The following GALNT17 variants were observed in gnomAD, a reference collection of about 807,000 sequenced individuals.
GALNT17 encodes polypeptide N-acetylgalactosaminyltransferase 17, also known as UDP-GalNAc:polypeptide N-acetylgalactosaminyltransferase-like 3.
Under a neutral mutation model 63.7 loss-of-function variants are expected in GALNT17, and 29 were observed. That is an observed-to-expected ratio of 0.46 (90% CI 0.34 to 0.62). The LOEUF (loss-of-function observed/expected upper bound fraction) is 0.62, where lower values mean the gene tolerates loss of function less well. Ranked by LOEUF, GALNT17 falls within the 20% of genes least tolerant of loss-of-function variation. The probability of loss-of-function intolerance (pLI) is 0.01; values close to 1 mark genes in which losing one functional copy is unlikely to be tolerated. For missense variants in GALNT17, 603 were observed against 799.6 expected, an observed-to-expected ratio of 0.75 and a Z score of 2.97; for synonymous variants, 305 against 318.3, an observed-to-expected ratio of 0.96 and a Z score of 0.45.
intron 1 of GALNT17, among the ~76,000 whole-genome samples, chr7:71,260,201 C>T (rs989846052): frequency 6.6e-6 from 1 of 152,078 alleles, no homozygotes; most frequent in Admixed American, 6.6e-5. Flanking sequence ...CCTCCCAGGA[C>T]GAGAGGCAGA....
intron 6 of GALNT17, among the ~76,000 whole-genome samples, chr7:71,625,725 C>T (rs1351710452): frequency 1.3e-5 from 2 of 152,108 alleles, no homozygotes; most frequent in Non-Finnish European, 2.9e-5. Context: ...CAGCAGTCTC[C>T]AAAGCGCTGA....
At chr7:71,710,572 G>C (rs1401883341) in intron 9 of GALNT17, among the ~76,000 whole-genome samples, 189 bp from the exon 10 acceptor site, 1 of 152,230 alleles carries the variant, frequency 6.6e-6, no homozygotes, top group East Asian at 1.9e-4. Flanking sequence ...TCAGAAGCCT[G>C]GGTGGCTTTC....
intron 3 of GALNT17, among the ~76,000 whole-genome samples, chr7:71,411,560 G>A (rs765143106): frequency 1.1e-3 from 168 of 152,118 alleles, no homozygotes; most frequent in Non-Finnish European, 1.5e-3. Context: ...CCTCTTCTTC[G>A]GTTTCTCTCC....
chr7:71,587,851 T>C (rs1274461139), intron 6 of GALNT17, among the ~76,000 whole-genome samples: 1 of 152,212 alleles, frequency 6.6e-6, no homozygotes, highest in Non-Finnish European at 1.5e-5. Context: ...TGAAGGAATC[T>C]TATGCAGATT....
chr7:71,452,060 A>G (rs1787271917), intron 5 of GALNT17, among the ~76,000 whole-genome samples: 3 of 152,108 alleles, frequency 2.0e-5, no homozygotes, highest in Admixed American at 2.0e-4. Flanking sequence ...AAATGAAATG[A>G]TAAATAAGTG....
At chr7:71,576,766 C>A (rs887314712) in intron 6 of GALNT17, among the ~76,000 whole-genome samples, 2 of 152,066 alleles carry the variant, frequency 1.3e-5, no homozygotes, top group Admixed American at 1.3e-4. Flanking sequence ...CAGGGTTTCC[C>A]CATGTTGCCC....
intron 2 of GALNT17, among the ~76,000 whole-genome samples, chr7:71,372,928 A>G (rs1215339703): frequency 6.6e-6 from 1 of 152,166 alleles, no homozygotes; most frequent in Non-Finnish European, 1.5e-5. Context: ...AGCTCTTGTT[A>G]TTTTAAGGAA....
At chr7:71,536,043 T>A (rs993251276) in intron 5 of GALNT17, among the ~76,000 whole-genome samples, 18 of 152,320 alleles carry the variant, frequency 1.2e-4, no homozygotes, top group African/African-American at 3.8e-4. Context: ...GCCTAGCAAC[T>A]CATTTTATGA....
chr7:71,539,380 C>T (rs1788851168), intron 5 of GALNT17, among the ~76,000 whole-genome samples: 1 of 152,046 alleles, frequency 6.6e-6, no homozygotes, highest in Non-Finnish European at 1.5e-5. Flanking sequence ...AATAAAGGAA[C>T]CTATTGAGAA....
intron 6 of GALNT17, among the ~76,000 whole-genome samples, chr7:71,572,202 C>T (rs76448089): frequency 0.073 from 10,944 of 150,222 alleles, 433 homozygotes; most frequent in South Asian, 0.11. Flanking sequence ...AGTAGGAAGA[C>T]GCTGTCTCTA....
chr7:71,559,204 T>C (rs900460962), intron 5 of GALNT17, among the ~76,000 whole-genome samples: 1 of 152,184 alleles, frequency 6.6e-6, no homozygotes, highest in Non-Finnish European at 1.5e-5. Context: ...GCAGAGGCAA[T>C]TGGAACTCTG....
At chr7:71,700,617 A>G (rs1791617607) in intron 9 of GALNT17, among the ~76,000 whole-genome samples, 1 of 152,118 alleles carries the variant, frequency 6.6e-6, no homozygotes. Flanking sequence ...CCAAAACACC[A>G]CATTTCCTCT....
intron 5 of GALNT17, among the ~76,000 whole-genome samples, chr7:71,472,984 A>T (rs60955657): frequency 0.2 from 30,466 of 152,094 alleles, 3,931 homozygotes; most frequent in East Asian, 0.54. Context: ...GCTTTATACA[A>T]TTTATGAGAC....
chr7:71,550,238 G>A (rs1283070663), intron 5 of GALNT17, among the ~76,000 whole-genome samples: 2 of 151,930 alleles, frequency 1.3e-5, no homozygotes, highest in Non-Finnish European at 2.9e-5. Flanking sequence ...ATAGGTAACT[G>A]GTTTAGCATA....
chr7:71,270,474 G>A (rs1230974415), intron 1 of GALNT17, among the ~76,000 whole-genome samples: 2 of 145,500 alleles, frequency 1.4e-5, no homozygotes, highest in Admixed American at 7.1e-5. Context: ...GCAGTGAGCC[G>A]AGATTGCACC....
At chr7:71,479,404 GA>G (rs1352653378) in intron 5 of GALNT17, among the ~76,000 whole-genome samples, 1 of 152,192 alleles carries the variant, frequency 6.6e-6, no homozygotes, top group Non-Finnish European at 1.5e-5. Flanking sequence ...ATAAGCTTCA[GA>G]AAAGAGGCTG....
intron 6 of GALNT17, among the ~76,000 whole-genome samples, chr7:71,607,848 C>G (rs1213393892): frequency 6.6e-6 from 1 of 152,190 alleles, no homozygotes; most frequent in Non-Finnish European, 1.5e-5. Context: ...CTTCCTTCTT[C>G]CTTCTTGATG....
intron 6 of GALNT17, among the ~76,000 whole-genome samples, chr7:71,637,346 G>A (rs1965548): frequency 0.43 from 65,239 of 151,772 alleles, 16,266 homozygotes; most frequent in East Asian, 0.73. Flanking sequence ...CACCATGTCC[G>A]GCTAATTTTT....
At chr7:71,340,514 G>A (rs1445697355) in intron 2 of GALNT17, among the ~76,000 whole-genome samples, 2 of 152,110 alleles carry the variant, frequency 1.3e-5, no homozygotes, top group Non-Finnish European at 2.9e-5. Flanking sequence ...TATGGCATGC[G>A]AGTTGTAAGG....
Sources: gnomAD v4.1 joint callset for allele counts (sites outside exome capture counted in the v4.1 genomes callset) on GRCh38, gnomAD v4.1.1 for gene constraint, MANE v1.5 for transcripts, NCBI Gene and HGNC (gene_info 2026-07-23, HGNC 2026-07-21) for gene names.